TBC1D21: variants seen among roughly 807,000 people sequenced by gnomAD.
TBC1D21 encodes male germ cell Rab GTPase-activating protein.
Under a neutral mutation model 46.0 loss-of-function variants are expected in TBC1D21, and 38 were observed. The ratio of observed to expected loss-of-function variants is 0.83; its 90% CI spans 0.64 to 1.08. The LOEUF is 1.08. Ranked by LOEUF, TBC1D21 falls within the 50% of genes least tolerant of loss-of-function variation. The pLI is 0.00. For missense variants in TBC1D21, 415 were observed against 417.9 expected (o/e 0.99, Z 0.06); for synonymous variants, 151 against 157.2 (o/e 0.96, Z 0.29).
the TBC1D21 span, among the ~76,000 whole-genome samples, chr15:73,903,093 CCTT>C: frequency 6.6e-6 from 1 of 152,220 alleles, no homozygotes; most frequent in Non-Finnish European, 1.5e-5. Context: ...CTCTGTGTGT[CCTT>C]CTCTCTTATT....
the TBC1D21 span, among the ~76,000 whole-genome samples, chr15:73,904,790 G>C: frequency 2.0e-5 from 3 of 152,160 alleles, no homozygotes; most frequent in African/African-American, 7.2e-5. Flanking sequence ...AAAAGAAATG[G>C]AGAGAGACAG....
In TBC1D21 at chr15:73,876,199, G is replaced by GGTGTTTTTTTTTTTTTTTT. The variant is rs2068057275; in HGVS notation, c.60+2430_60+2431insGTGTTTTTTTTTTTTTTTT. Among the ~76,000 whole-genome samples the GGTGTTTTTTTTTTTTTTTT allele has an allele frequency of 1.8e-4, 5 of 28,314 alleles. 2 individuals carry two copies. The highest frequency in any genetic ancestry group is 5.8e-5 in the African/African-American group (1 of 17,380). The allele number at this position is 28,314 out of a possible 152,430, so 18.6% of individuals were successfully genotyped here. ...GAAGAATCAGTGACTTTTTTTGTGG[G>GGTGTTTTTTTTTTTTTTTT]TTTTTTTTTTTTTTTTTTTTTTTTT... On this transcript the variant is annotated intron_variant, in intron 1 of 10. Transcript: ENST00000300504.
downstream of TBC1D21, chr15:73,889,241 G>T (rs573492180): frequency 6.3e-5 from 66 of 1,042,126 alleles, no homozygotes; most frequent in Admixed American, 1.1e-3. Flanking sequence ...CTATGTCTTT[G>T]ACCTTAGGGG....
intron 1 of TBC1D21, 108 bp downstream of exon 1, chr15:73,873,877 G>C: frequency 7.6e-7 from 1 of 1,320,760 alleles, no homozygotes; most frequent in Non-Finnish European, 1.1e-6. Flanking sequence ...AGCTAACATA[G>C]AAGGTGGAGC....
rs545468396 is a variant in TBC1D21, at chr15:73,881,867, T to A, written c.272+120T>A. The A allele has an allele frequency of 8.8e-5, 77 of 878,902 alleles. No homozygotes were observed. The South Asian group carries it at 1.1e-3, about 13-fold the overall frequency. 54.4% of individuals were successfully genotyped at this position (878,902 alleles called of 1,614,324 possible). ...ACTTCTTATTCCGAGAGGAACCCCA[T>A]GCCTCCTGACCCAGGCACAGCACAC... On this transcript the variant is annotated intron_variant, in intron 3 of 10. Transcript: ENST00000300504.
chr15:73,895,246 T>C, the TBC1D21 span, among the ~76,000 whole-genome samples: 1 of 152,004 alleles, frequency 6.6e-6, no homozygotes, highest in Non-Finnish European at 1.5e-5. Flanking sequence ...ACTCCTTCCT[T>C]CCACTTAGAG....
chr15:73,881,373 G>A, intron 1 of TBC1D21, 26 bp from the exon 2 acceptor site: 1 of 1,577,656 alleles, frequency 6.3e-7, no homozygotes, highest in Non-Finnish European at 8.7e-7. Flanking sequence ...CTAACATAAG[G>A]CAGAACTGGT....
Position 73,885,065 on chromosome 15 carries a change from G to C in TBC1D21, c.541G>C (p.Glu181Gln), listed in dbSNP as rs146169837. 3 of 1,611,050 alleles carry C rather than the reference G, an allele frequency of 1.9e-6. No individual in the cohort carries two copies. In the African/African-American group the frequency reaches 4.0e-5, roughly 22 times the overall value. The change falls in exon 6 of 11, where the codon GAG becomes CAG. Residue 181 changes from glutamate (E) to glutamine (Q), a missense_variant. Physicochemically the swap from Glu to Gln is conservative, Grantham distance 29 (BLOSUM62 2). Coordinates refer to ENST00000300504, the MANE Select transcript of TBC1D21 (RefSeq NM_153356.3). ...CCAGCTGATGGTGGAGCACGACCAC[G>C]AGACCTTCTGGCTTTTCCAGTTCTT... ...LFQLMVEHDH[E>Q]TFWLFQFFLQ...
In TBC1D21 at chr15:73,881,784, G is replaced by T. The variant is rs370348934; in HGVS notation, c.272+37G>T. ...CAGACCCTGCTGGGACAGGAGGGGG[G>T]CCTGCAGGTGGCAGGTGCTGCCTCC... On this transcript the variant is annotated intron_variant, in intron 3 of 10. Coordinates refer to ENST00000300504, the MANE Select transcript of TBC1D21 (RefSeq NM_153356.3). The T allele has an allele frequency of 5.1e-6, 8 of 1,571,624 alleles. No homozygotes were observed. In the African/African-American group the frequency reaches 5.4e-5, roughly 11 times the overall value.
At chr15:73,879,587 C>A (rs1042085296) in intron 1 of TBC1D21, among the ~76,000 whole-genome samples, 3 of 152,130 alleles carry the variant, frequency 2.0e-5, no homozygotes, top group African/African-American at 7.2e-5. Flanking sequence ...TACTCAGGAG[C>A]TTGTTAGAAA....
chr15:73,888,942 C>A, intron 10 of TBC1D21, 127 bp from the exon 11 acceptor site: 2 of 1,107,214 alleles, frequency 1.8e-6, no homozygotes, highest in Non-Finnish European at 2.7e-6. Context: ...CCTCATCCCC[C>A]ATTCCCTGTG....
chr15:73,888,103 A>G (rs2068283590), intron 9 of TBC1D21, among the ~76,000 whole-genome samples: 1 of 152,200 alleles, frequency 6.6e-6, no homozygotes, highest in Non-Finnish European at 1.5e-5. Context: ...CACCATTTTA[A>G]AAAAGCTACT....
intron 1 of TBC1D21, among the ~76,000 whole-genome samples, chr15:73,875,297 G>T (rs1389449548): frequency 7.7e-6 from 1 of 129,116 alleles, no homozygotes; most frequent in African/African-American, 2.8e-5. Flanking sequence ...AGGAAGGAGG[G>T]AAGGAGGGAA....
At chr15:73,907,414 C>A in the TBC1D21 span, among the ~76,000 whole-genome samples, 5 of 152,174 alleles carry the variant, frequency 3.3e-5, no homozygotes, top group East Asian at 3.8e-4. Context: ...GTGAAACGGG[C>A]ATAGACTTTG....
chr15:73,892,020 C>T (rs565842306), downstream of TBC1D21, among the ~76,000 whole-genome samples: 1 of 152,350 alleles, frequency 6.6e-6, no homozygotes, highest in East Asian at 1.9e-4. Context: ...CTGCCAGTTC[C>T]ACAGACTGGA....
intron 1 of TBC1D21, among the ~76,000 whole-genome samples, chr15:73,874,842 C>T (rs940974287): frequency 2.0e-5 from 3 of 152,324 alleles, no homozygotes; most frequent in African/African-American, 4.8e-5. Context: ...TTCTTCATCA[C>T]GGTGCTGTAC....
chr15:73,886,399 CT>C, intron 7 of TBC1D21, 112 bp from the exon 8 acceptor site: 1 of 1,047,218 alleles, frequency 9.5e-7, no homozygotes, highest in South Asian at 1.4e-5. Flanking sequence ...GGGCGGCAGG[CT>C]TTTTGTATTT....
At position 73,873,668 on chromosome 15, in the gene TBC1D21, A is replaced by G. The variant is rs1458224987; in HGVS notation, c.-42A>G. ...AGGATTAAGCATCACTAGGGCTCCA[A>G]GTGAGTTCTGATCAGAGGCTGTTCG... is the stretch of plus-strand genomic sequence containing the variant. On this transcript the variant is annotated 5_prime_UTR_variant, in exon 1 of 11. Transcript: ENST00000300504. 1 of 1,579,642 alleles carries G rather than the reference A, an allele frequency of 6.3e-7. No individual in the cohort carries two copies. Among genetic ancestry groups the G allele is most frequent in the South Asian group, 1.1e-5 (1 of 87,012 alleles).
intron 3 of TBC1D21, among the ~76,000 whole-genome samples, chr15:73,883,519 C>A (rs953788561): frequency 6.6e-6 from 1 of 152,194 alleles, no homozygotes; most frequent in African/African-American, 2.4e-5. Flanking sequence ...GGTGGTGAGA[C>A]CTTCTGCTTT....
Sources: allele counts gnomAD v4.1 joint callset (sites outside exome capture counted in the v4.1 genomes callset), GRCh38; gene constraint gnomAD v4.1.1; transcripts MANE v1.5; gene names NCBI Gene and HGNC (gene_info 2026-07-23, HGNC 2026-07-21).